LRRC4C: variants seen among roughly 807,000 people sequenced by gnomAD.
LRRC4C encodes leucine-rich repeat-containing protein 4C.
A neutral mutation model predicts 33.6 loss-of-function variants in LRRC4C; 5 were observed. The ratio of observed to expected loss-of-function variants is 0.15; its 90% CI spans 0.08 to 0.31. The LOEUF (loss-of-function observed/expected upper bound fraction) is 0.31. LRRC4C is among the 10% of genes least tolerant of loss of function. LRRC4C has a pLI of 1.00. For missense variants in LRRC4C, 560 were observed against 796.7 expected (o/e 0.70, Z 3.58); for synonymous variants, 329 against 302.0 (o/e 1.09, Z -0.93).
chr11:40,714,838 T>G (rs2136626969), intron 2 of LRRC4C, among the ~76,000 whole-genome samples: 1 of 152,278 alleles, frequency 6.6e-6, no homozygotes, highest in South Asian at 2.1e-4. Flanking sequence ...AATGTTAGAC[T>G]TTTCAATAGA....
At chr11:41,249,284 T>A (rs1329678597) in intron 1 of LRRC4C, among the ~76,000 whole-genome samples, 1 of 152,122 alleles carries the variant, frequency 6.6e-6, no homozygotes, top group Non-Finnish European at 1.5e-5. Flanking sequence ...TCTGCCCTCC[T>A]CGGCCTCCCA....
At chr11:41,396,578 G>T (rs1591426595) in intron 1 of LRRC4C, among the ~76,000 whole-genome samples, 1 of 151,926 alleles carries the variant, frequency 6.6e-6, no homozygotes, top group African/African-American at 2.4e-5. Context: ...AACATGTAGT[G>T]AATGCTCAAC....
Position 40,877,350 on chromosome 11 carries a change from C to T in LRRC4C, c.-407+56285G>A, listed in dbSNP as rs542979252. On this transcript the variant is annotated intron_variant, in intron 2 of 6. Coordinates refer to ENST00000528697, the MANE Select transcript of LRRC4C (RefSeq NM_001258419.2). ...GTTCTGCAGCTCTGGTGTTTGTTGCCCACGAAGGTGCACATAATATATTTT... is the reference window on the plus strand; with the variant it reads ...GTTCTGCAGCTCTGGTGTTTGTTGCTCACGAAGGTGCACATAATATATTTT... 4.6e-5 allele frequency among the ~76,000 whole-genome samples: 7 copies of T among 152,174 alleles called. No individual in the cohort carries two copies. The South Asian group carries it at 1.2e-3, about 27-fold the overall frequency.
At chr11:40,890,699 A>G (rs1955662236) in intron 2 of LRRC4C, among the ~76,000 whole-genome samples, 1 of 152,074 alleles carries the variant, frequency 6.6e-6, no homozygotes. Flanking sequence ...GATTCCCAAC[A>G]TTTACCAAGC....
intron 3 of LRRC4C, among the ~76,000 whole-genome samples, chr11:40,433,456 A>G (rs1951017290): frequency 6.6e-6 from 1 of 152,102 alleles, no homozygotes; most frequent in South Asian, 2.1e-4. Context: ...TGCCAAGGAG[A>G]GTATTTCAGA....
intron 1 of LRRC4C, among the ~76,000 whole-genome samples, chr11:41,228,512 A>G (rs116078487): frequency 0.019 from 2,872 of 152,200 alleles, 93 homozygotes; most frequent in African/African-American, 0.066. Context: ...ATTGCAATAG[A>G]TATCTCATCC....
At chr11:41,166,802 G>A (rs966246833) in intron 1 of LRRC4C, among the ~76,000 whole-genome samples, 16 of 152,106 alleles carry the variant, frequency 1.1e-4, no homozygotes, top group Admixed American at 3.3e-4. Flanking sequence ...ACTTCATGCC[G>A]GAGGAATGAG....
At chr11:40,268,477 T>C (rs1248343011) in intron 4 of LRRC4C, among the ~76,000 whole-genome samples, 1 of 152,140 alleles carries the variant, frequency 6.6e-6, no homozygotes, top group Non-Finnish European at 1.5e-5. Context: ...TTTATTACTT[T>C]ATAGAGATCC....
intron 2 of LRRC4C, among the ~76,000 whole-genome samples, chr11:40,729,802 G>C (rs572331502): frequency 6.6e-6 from 1 of 152,068 alleles, no homozygotes; most frequent in Non-Finnish European, 1.5e-5. Context: ...TATAATGGTA[G>C]AATCATATCA....
chr11:41,264,293 T>C (rs1288603157), intron 1 of LRRC4C, among the ~76,000 whole-genome samples: 2 of 152,042 alleles, frequency 1.3e-5, no homozygotes, highest in Non-Finnish European at 2.9e-5. Context: ...GGTTTCACCA[T>C]GTTGGCCAGG....
At chr11:40,646,848 C>T (rs11035990) in intron 3 of LRRC4C, among the ~76,000 whole-genome samples, 8,621 of 152,196 alleles carry the variant, frequency 0.057, 752 homozygotes, top group African/African-American at 0.19. Flanking sequence ...CCTCATGATC[C>T]GCCCACCTCG....
chr11:40,474,893 CACA>C (rs937653379), intron 3 of LRRC4C, among the ~76,000 whole-genome samples: 4 of 129,756 alleles, frequency 3.1e-5, no homozygotes, highest in South Asian at 2.5e-4. Context: ...AAATCAAAAC[CACA>C]ATGAGATACC....
At chr11:40,375,717 T>C (rs905972046) in intron 3 of LRRC4C, among the ~76,000 whole-genome samples, 5 of 152,158 alleles carry the variant, frequency 3.3e-5, no homozygotes, top group African/African-American at 7.2e-5. Context: ...AAAATACATA[T>C]AGATTAACCA....
intron 1 of LRRC4C, among the ~76,000 whole-genome samples, chr11:41,031,104 CT>C (rs1375355717): frequency 6.6e-6 from 1 of 151,932 alleles, no homozygotes; most frequent in Non-Finnish European, 1.5e-5. Flanking sequence ...CATGCTATTG[CT>C]TTCACGTGGC....
chr11:41,277,857 C>A (rs12271025), intron 1 of LRRC4C, among the ~76,000 whole-genome samples: 20,418 of 151,908 alleles, frequency 0.13, 1,501 homozygotes, highest in Middle Eastern at 0.24. Flanking sequence ...AGTTCTCAAA[C>A]ATAAGCACAC....
At chr11:40,355,953 T>TATAGTATA (rs1947640928) in intron 3 of LRRC4C, among the ~76,000 whole-genome samples, 19 of 121,594 alleles carry the variant, frequency 1.6e-4, no homozygotes, top group African/African-American at 3.4e-4. Context: ...AGTATAGTAT[T>TATAGTATA]GTATAGTATA....
At chr11:41,246,818 T>C (rs1948469987) in intron 1 of LRRC4C, among the ~76,000 whole-genome samples, 1 of 152,248 alleles carries the variant, frequency 6.6e-6, no homozygotes, top group Non-Finnish European at 1.5e-5. Context: ...AGTATTAAGC[T>C]TTAGGGTTGC....
chr11:40,464,524 G>T (rs543351346), intron 3 of LRRC4C, among the ~76,000 whole-genome samples: 19 of 152,078 alleles, frequency 1.2e-4, no homozygotes, highest in African/African-American at 4.3e-4. Context: ...TTGGAAAAGA[G>T]GAAGTTGAAT....
intron 3 of LRRC4C, among the ~76,000 whole-genome samples, chr11:40,342,277 T>C (rs1946902807): frequency 1.3e-5 from 2 of 152,226 alleles, no homozygotes; most frequent in South Asian, 2.1e-4. Context: ...AAGACAATCC[T>C]GGCCAACATG....
Sources: gnomAD v4.1 joint callset for allele counts (sites outside exome capture counted in the v4.1 genomes callset) on GRCh38, gnomAD v4.1.1 for gene constraint, MANE v1.5 for transcripts, NCBI Gene and HGNC (gene_info 2026-07-23, HGNC 2026-07-21) for gene names.